The following RFPL1 variants were observed in gnomAD, a reference collection of about 807,000 sequenced individuals.
RFPL1 encodes the protein ret finger protein-like 1.
A neutral mutation model predicts 9.6 loss-of-function variants in RFPL1; 6 were observed. The observed-to-expected ratio is 0.62, with a 90% CI of 0.34 to 1.23. RFPL1 has a LOEUF of 1.23. Ranked by LOEUF, RFPL1 falls within the 50% of genes most tolerant of loss-of-function variation. RFPL1 has a pLI of 0.03. For missense variants in RFPL1, 352 were observed against 398.4 expected, an observed-to-expected ratio of 0.88 and a Z score of 0.99; for synonymous variants, 145 against 149.4, an observed-to-expected ratio of 0.97 and a Z score of 0.22.
chr22:29,400,089 G>T, the RFPL1 span, among the ~76,000 whole-genome samples: 1 of 150,854 alleles, frequency 6.6e-6, no homozygotes, highest in Non-Finnish European at 1.5e-5. Context: ...TCCGCCTCCT[G>T]GGTTCACGCC....
At chr22:29,392,233 C>T in the RFPL1 span, among the ~76,000 whole-genome samples, 1 of 151,882 alleles carries the variant, frequency 6.6e-6, no homozygotes, top group African/African-American at 2.4e-5. Flanking sequence ...GCGCCCACCA[C>T]CAAACCCAGC....
chr22:29,390,344 G>GT, the RFPL1 span, among the ~76,000 whole-genome samples: 1 of 152,016 alleles, frequency 6.6e-6, no homozygotes, highest in South Asian at 2.1e-4. Context: ...GATATTACTG[G>GT]TTTTTATATT....
At chr22:29,388,204 T>G in the RFPL1 span, among the ~76,000 whole-genome samples, 7 of 152,096 alleles carry the variant, frequency 4.6e-5, no homozygotes, top group African/African-American at 1.7e-4. Flanking sequence ...CAGGAGGTGC[T>G]GCGGGTATGG....
the RFPL1 span, among the ~76,000 whole-genome samples, chr22:29,408,302 G>A: frequency 6.6e-6 from 1 of 152,192 alleles, no homozygotes; most frequent in African/African-American, 2.4e-5. Context: ...TGCCCTAGCT[G>A]GAAAGCCAAG....
chr22:29,408,258 T>C, the RFPL1 span, among the ~76,000 whole-genome samples: 1 of 152,180 alleles, frequency 6.6e-6, no homozygotes, highest in African/African-American at 2.4e-5. Context: ...TGCCTTTCTG[T>C]ATTAAACTGT....
the RFPL1 span, among the ~76,000 whole-genome samples, chr22:29,417,499 G>A: frequency 2.0e-5 from 3 of 148,432 alleles, no homozygotes; most frequent in South Asian, 6.4e-4. Context: ...CAGCACCCAG[G>A]TTATGAGGCA....
At chr22:29,422,156 C>T in the RFPL1 span, among the ~76,000 whole-genome samples, 1 of 152,200 alleles carries the variant, frequency 6.6e-6, no homozygotes, top group Non-Finnish European at 1.5e-5. Flanking sequence ...AAATATCCAA[C>T]GATATAAGCC....
At chr22:29,414,769 G>A in the RFPL1 span, among the ~76,000 whole-genome samples, 4 of 151,112 alleles carry the variant, frequency 2.6e-5, no homozygotes, top group African/African-American at 9.7e-5. Flanking sequence ...TTCTAACGGA[G>A]TAGCCCCATA....
the RFPL1 span, among the ~76,000 whole-genome samples, chr22:29,404,432 A>C: frequency 6.6e-6 from 1 of 152,096 alleles, no homozygotes; most frequent in Admixed American, 6.6e-5. Context: ...TGATCCTCTC[A>C]ATGTTTTAAG....
At chr22:29,435,779 T>G (rs1390403522), upstream of RFPL1, among the ~76,000 whole-genome samples, 1 of 152,252 alleles carries the variant, frequency 6.6e-6, no homozygotes, top group Non-Finnish European at 1.5e-5. Context: ...TAGATTATAT[T>G]CAAGTTATTT....
At chr22:29,389,803 T>TC in the RFPL1 span, among the ~76,000 whole-genome samples, 1 of 151,704 alleles carries the variant, frequency 6.6e-6, no homozygotes, top group Non-Finnish European at 1.5e-5. Context: ...TGTTTTTTTT[T>TC]GTTTGTTTGT....
chr22:29,389,019 G>A, the RFPL1 span, among the ~76,000 whole-genome samples: 1 of 152,174 alleles, frequency 6.6e-6, no homozygotes, highest in African/African-American at 2.4e-5. Context: ...TGGGACCACA[G>A]GTGCGCAGCA....
At chr22:29,418,754 TC>T in the RFPL1 span, among the ~76,000 whole-genome samples, 13 of 152,146 alleles carry the variant, frequency 8.5e-5, no homozygotes, top group African/African-American at 2.9e-4. Flanking sequence ...CACCTGGGCC[TC>T]CCCAAGTGCT....
the RFPL1 span, among the ~76,000 whole-genome samples, chr22:29,423,794 A>T: frequency 1.3e-5 from 2 of 152,340 alleles, no homozygotes; most frequent in African/African-American, 4.8e-5. Context: ...AACATGTATG[A>T]TTCATCTGTG....
chr22:29,398,195 A>T, the RFPL1 span, among the ~76,000 whole-genome samples: 1 of 152,128 alleles, frequency 6.6e-6, no homozygotes, highest in Admixed American at 6.5e-5. Flanking sequence ...CCTCATGAAG[A>T]TCTCTGTTAC....
chr22:29,409,163 G>A, the RFPL1 span, among the ~76,000 whole-genome samples: 2 of 151,840 alleles, frequency 1.3e-5, no homozygotes, highest in Non-Finnish European at 2.9e-5. Flanking sequence ...ATATTTACAC[G>A]GTTGTGCAAC....
the RFPL1 span, among the ~76,000 whole-genome samples, chr22:29,395,212 G>A: frequency 6.6e-6 from 1 of 152,190 alleles, no homozygotes; most frequent in South Asian, 2.1e-4. Context: ...AGGGGCCGCT[G>A]TGCCTTTCTA....
At chr22:29,398,376 C>T in the RFPL1 span, among the ~76,000 whole-genome samples, 1 of 152,190 alleles carries the variant, frequency 6.6e-6, no homozygotes, top group African/African-American at 2.4e-5. Context: ...AAAAACTCAC[C>T]ATGTGCCAGA....
At chr22:29,426,266 A>C in the RFPL1 span, among the ~76,000 whole-genome samples, 4 of 150,930 alleles carry the variant, frequency 2.7e-5, no homozygotes, top group African/African-American at 9.7e-5. Flanking sequence ...AGGGTTACGG[A>C]GATCTGAGAT....
Sources: gnomAD v4.1 joint callset for allele counts (sites outside exome capture counted in the v4.1 genomes callset) on GRCh38, gnomAD v4.1.1 for gene constraint, MANE v1.5 for transcripts, NCBI Gene and HGNC (gene_info 2026-07-23, HGNC 2026-07-21) for gene names.